Variants in HTR2A observed in about 807,000 individuals in gnomAD.
The protein encoded by HTR2A is 5-HT2 receptor.
In HTR2A, 14 loss-of-function variants were observed where a neutral mutation model predicts 31.0. The observed-to-expected ratio is 0.45, with a 90% CI of 0.30 to 0.71. The LOEUF (loss-of-function observed/expected upper bound fraction) is 0.71. Ranked by LOEUF, HTR2A falls within the 30% of genes least tolerant of loss-of-function variation. The pLI is 0.09. For synonymous variants in HTR2A, 209 were observed against 225.2 expected (o/e 0.93, Z 0.64); for missense variants, 442 against 573.3 (o/e 0.77, Z 2.34).
chr13:46,896,104 C>T lies in HTR2A; in HGVS notation c.-198G>A, dbSNP rs1420351830. 1 of 1,320,788 alleles carries T rather than the reference C, an allele frequency of 7.6e-7. No individual in the cohort carries two copies. Among genetic ancestry groups the T allele is most frequent in the Non-Finnish European group, 9.6e-7 (1 of 1,041,680 alleles). The allele number at this position is 1,320,788 out of a possible 1,614,324, so 81.8% of individuals were successfully genotyped here. Reference sequence around the variant, plus strand: ...AACTGTGGTGGCTGTAAGTTTTCTTCATTCACAATTTTAGGAGAGTCCACT... The same window carrying T: ...AACTGTGGTGGCTGTAAGTTTTCTTTATTCACAATTTTAGGAGAGTCCACT... On this transcript the variant is annotated 5_prime_UTR_variant, in exon 2 of 4. An upstream start codon of the reference 5' UTR is lost. Transcript: ENST00000542664.
intron 3 of HTR2A, among the ~76,000 whole-genome samples, chr13:46,861,120 A>G (rs1950775444): frequency 6.6e-6 from 1 of 152,212 alleles, no homozygotes. Context: ...TAGTTATCTC[A>G]TAATAGCTGG....
intron 3 of HTR2A, among the ~76,000 whole-genome samples, chr13:46,882,829 C>G (rs1054296688): frequency 6.6e-6 from 1 of 152,214 alleles, no homozygotes; most frequent in African/African-American, 2.4e-5. Flanking sequence ...AAATTAGCAT[C>G]TATTTTCTTT....
chr13:46,866,801 T>C (rs982132216), intron 3 of HTR2A, among the ~76,000 whole-genome samples: 1 of 152,142 alleles, frequency 6.6e-6, no homozygotes, highest in African/African-American at 2.4e-5. Flanking sequence ...CCAAGGTGGG[T>C]GGATCACCTG....
chr13:46,857,163 G>A (rs1341611194), intron 3 of HTR2A, among the ~76,000 whole-genome samples: 3 of 152,036 alleles, frequency 2.0e-5, no homozygotes, highest in African/African-American at 7.3e-5. Context: ...AGCTGGGGGT[G>A]ATTGTGCTCC....
rs2770302 is a variant in HTR2A at position 46,876,300 on chromosome 13, T to G, written c.613+16090A>C. Among the ~76,000 whole-genome samples, 4 of 151,098 alleles carry G rather than the reference T, an allele frequency of 2.6e-5. No individual in the cohort carries two copies. The East Asian group carries it at 7.8e-4, about 29-fold the overall frequency. Reference sequence around the variant, plus strand: ...TTTTGCCAGAGTTCTCTGCATTTTTTTTATAATGGCAGATTCTGCTTTCTC... The same window carrying G: ...TTTTGCCAGAGTTCTCTGCATTTTTGTTATAATGGCAGATTCTGCTTTCTC... On this transcript the variant is annotated intron_variant, in intron 3 of 3. Transcript: ENST00000542664.
intron 3 of HTR2A, among the ~76,000 whole-genome samples, chr13:46,840,097 T>C (rs1950586982): frequency 6.6e-6 from 1 of 152,172 alleles, no homozygotes; most frequent in Admixed American, 6.5e-5. Context: ...TTTGGGTTCA[T>C]AGGTTTCTGT....
chr13:46,877,422 GACAA>G (rs1268673160), intron 3 of HTR2A, among the ~76,000 whole-genome samples: 6 of 152,190 alleles, frequency 3.9e-5, no homozygotes, highest in Non-Finnish European at 8.8e-5. Context: ...ATATTAAGTA[GACAA>G]ACAAAAGTAG....
intron 3 of HTR2A, among the ~76,000 whole-genome samples, chr13:46,855,859 G>T (rs771804168): frequency 1.3e-5 from 2 of 151,752 alleles, no homozygotes; most frequent in Non-Finnish European, 2.9e-5. Flanking sequence ...TGATGTGGGT[G>T]GGGTCCGCAA....
Position 46,895,832 on chromosome 13 carries a change from G to C in HTR2A, c.75C>G (p.Thr25=). The part of the protein sequence containing the change: ...TNSLMQLNDD[T]RLYSNDFNSG... ...AGTTAAAGTCATTACTGTAGAGCCT[G>C]GTGTCATCATTTAATTGCATTAGGG... The change falls in exon 2 of 4, where the codon ACC becomes ACG. Residue 25 remains threonine (T), a synonymous_variant. Coordinates refer to ENST00000542664, the MANE Select transcript of HTR2A (RefSeq NM_000621.5). This position sits in a 1 kb window ranked among gnomAD's most constrained non-coding sequence, Gnocchi z 4.4. 1 of 1,614,028 alleles carries C rather than the reference G, an allele frequency of 6.2e-7. No individual in the cohort carries two copies. The highest frequency in any genetic ancestry group is 8.5e-7 in the Non-Finnish European group (1 of 1,179,940).
intron 3 of HTR2A, among the ~76,000 whole-genome samples, chr13:46,891,341 C>A (rs1453437275): frequency 2.0e-5 from 3 of 152,202 alleles, no homozygotes; most frequent in African/African-American, 4.8e-5. Flanking sequence ...TGGGGCTTTG[C>A]ACAGCTCATT....
At chr13:46,842,189 TG>T (rs1218467652) in intron 3 of HTR2A, among the ~76,000 whole-genome samples, 3 of 152,212 alleles carry the variant, frequency 2.0e-5, no homozygotes, top group African/African-American at 7.2e-5. Context: ...TCTTTTTTAA[TG>T]AGTGGATATT....
chr13:46,850,495 C>G (rs1309743026), intron 3 of HTR2A, among the ~76,000 whole-genome samples: 1 of 152,206 alleles, frequency 6.6e-6, no homozygotes, highest in Non-Finnish European at 1.5e-5. Flanking sequence ...GCTCTGTAGT[C>G]TGTATTTTTC....
rs77144882 is a variant in HTR2A, at chr13:46,885,069, G to A, written c.613+7321C>T. Among the ~76,000 whole-genome samples, 828 of 152,006 alleles carry A rather than the reference G, an allele frequency of 5.4e-3. 5 individuals are homozygous for A. Among genetic ancestry groups the A allele is most frequent in the Middle Eastern group, 0.031 (9 of 294 alleles). On this transcript the variant is annotated intron_variant, in intron 3 of 3. Transcript: ENST00000542664. ...TAGACTGTTTTTTTTTCCTGTATAT[G>A]CGTACCTATGATAAAACTTAATTTA...
chr13:46,867,475 C>G (rs1566311455), intron 3 of HTR2A, among the ~76,000 whole-genome samples: 1 of 152,124 alleles, frequency 6.6e-6, no homozygotes, highest in African/African-American at 2.4e-5. Flanking sequence ...TATGAGATAG[C>G]TTGGTGCATA....
chr13:46,869,197 G>A (rs796708160), intron 3 of HTR2A, among the ~76,000 whole-genome samples: 60 of 152,240 alleles, frequency 3.9e-4, no homozygotes, highest in African/African-American at 1.4e-3. Flanking sequence ...TTTGATAAGG[G>A]TTTAATGTCC....
At chr13:46,870,841 A>G (rs946410568) in intron 3 of HTR2A, among the ~76,000 whole-genome samples, 1 of 152,206 alleles carries the variant, frequency 6.6e-6, no homozygotes, top group African/African-American at 2.4e-5. Context: ...ATCTCACTAA[A>G]TATTCTTATT....
intron 3 of HTR2A, among the ~76,000 whole-genome samples, chr13:46,887,846 T>C (rs898886345): frequency 8.6e-5 from 13 of 151,376 alleles, no homozygotes; most frequent in Non-Finnish European, 1.9e-4. Context: ...TTCTCACTAA[T>C]ATGTGGGAGC....
chr13:46,886,018 C>T (rs1335176718), intron 3 of HTR2A, among the ~76,000 whole-genome samples: 2 of 152,174 alleles, frequency 1.3e-5, no homozygotes, highest in African/African-American at 2.4e-5. Context: ...AAATATTTTT[C>T]GTTTAACTTT....
intron 3 of HTR2A, among the ~76,000 whole-genome samples, chr13:46,870,401 A>G (rs1950855290): frequency 6.6e-6 from 1 of 152,214 alleles, no homozygotes; most frequent in Non-Finnish European, 1.5e-5. Flanking sequence ...AGTCATTATA[A>G]AGCCCATGTA....
Sources: allele counts gnomAD v4.1 joint callset (sites outside exome capture counted in the v4.1 genomes callset), GRCh38; gene constraint gnomAD v4.1.1; non-coding constraint Gnocchi (gnomAD v3.1); transcripts MANE v1.5; gene names NCBI Gene and HGNC (gene_info 2026-07-23, HGNC 2026-07-21).